The following GABRA3 variants were observed in gnomAD, a reference collection of about 807,000 sequenced individuals.
The protein encoded by GABRA3 is gamma-aminobutyric acid receptor subunit alpha-3.
Under a neutral mutation model 30.1 loss-of-function variants are expected in GABRA3, and 10 were observed. The ratio of observed to expected loss-of-function variants is 0.33; its 90% CI spans 0.20 to 0.56. The LOEUF is 0.56. Ranked by LOEUF, GABRA3 falls within the 20% of genes least tolerant of loss-of-function variation. The probability of loss-of-function intolerance (pLI) is 0.89; values close to 1 mark genes in which losing one functional copy is unlikely to be tolerated. For missense variants in GABRA3, 233 were observed against 392.0 expected (o/e 0.59, Z 3.42); for synonymous variants, 151 against 146.8 (o/e 1.03, Z -0.21).
At chrX:152,359,399 T>A (rs972663937) in intron 2 of GABRA3, among the ~76,000 whole-genome samples, 1 of 111,453 alleles carries the variant, frequency 9.0e-6, no homozygotes, top group Admixed American at 9.5e-5. Flanking sequence ...GGGTCAGCAG[T>A]AACATGTTCT....
intron 1 of GABRA3, among the ~76,000 whole-genome samples, chrX:152,378,301 A>G (rs1314289383): frequency 8.9e-6 from 1 of 111,912 alleles, no homozygotes; most frequent in Non-Finnish European, 1.9e-5. Context: ...CAGATATTGA[A>G]TTTATCAGGT....
At chrX:152,176,179 G>T (rs1937073825) in intron 9 of GABRA3, among the ~76,000 whole-genome samples, 1 of 111,047 alleles carries the variant, frequency 9.0e-6, no homozygotes, top group Admixed American at 9.6e-5. Flanking sequence ...GATGGTAAGA[G>T]GTACCATCAC....
intron 1 of GABRA3, among the ~76,000 whole-genome samples, chrX:152,409,615 T>G (rs1313777327): frequency 9.0e-6 from 1 of 110,905 alleles, no homozygotes; most frequent in Non-Finnish European, 1.9e-5. Context: ...AAACTACCCA[T>G]GTGAAAAGAG....
intron 3 of GABRA3, among the ~76,000 whole-genome samples, chrX:152,312,799 C>T (rs1181300899): frequency 1.8e-5 from 2 of 111,861 alleles, no homozygotes; most frequent in Non-Finnish European, 3.8e-5. Flanking sequence ...AATCAAACAA[C>T]TCCATTAAAA....
Position 152,293,329 on chromosome X carries a change from C to G in GABRA3, c.263-8594G>C, listed in dbSNP as rs756474390. ...AATGGCCTTCTTTGTCTCTTTTGAT[C>G]TTTGTTGGTTTAAAGTCTGTTTTAT... On this transcript the variant is annotated intron_variant, in intron 3 of 9. Transcript: ENST00000370314. 4.5e-5 allele frequency among the ~76,000 whole-genome samples: 5 copies of G among 111,428 alleles called. No individual in the cohort carries two copies. In the East Asian group the frequency reaches 8.5e-4, roughly 19 times the overall value.
In GABRA3 at chrX:152,168,198, G is replaced by A; in HGVS notation, c.*30C>T. 4 of 1,159,085 alleles carry A rather than the reference G, an allele frequency of 3.5e-6. No homozygotes were observed. Among genetic ancestry groups the A allele is most frequent in the Non-Finnish European group, 4.7e-6 (4 of 849,812 alleles). On this transcript the variant is annotated 3_prime_UTR_variant, in exon 10 of 10. Transcript: ENST00000370314. ...GCCTGGATGCTTCACGGGGTATACA[G>A]TGCTCTGGTTGCTGCACTGCCACCA...
intron 6 of GABRA3, among the ~76,000 whole-genome samples, chrX:152,215,322 T>C (rs1937700276): frequency 9.0e-6 from 1 of 110,516 alleles, no homozygotes; most frequent in Admixed American, 9.6e-5. Context: ...TTTATTGTGT[T>C]GAGGTACATT....
chrX:152,199,093 T>G (rs1937429263), intron 7 of GABRA3, among the ~76,000 whole-genome samples: 1 of 111,007 alleles, frequency 9.0e-6, no homozygotes, highest in Admixed American at 9.7e-5. Context: ...CTGGGTGCGG[T>G]GGCTCAAGCC....
intron 7 of GABRA3, among the ~76,000 whole-genome samples, chrX:152,199,501 C>A (rs112479172): frequency 9.1e-6 from 1 of 109,849 alleles, no homozygotes; most frequent in Non-Finnish European, 1.9e-5. Flanking sequence ...CTCAGAATCT[C>A]GAAAGAACTA....
intron 3 of GABRA3, among the ~76,000 whole-genome samples, chrX:152,339,802 CT>C (rs753709027): frequency 8.1e-5 from 9 of 111,557 alleles, no homozygotes; most frequent in Non-Finnish European, 1.3e-4. Context: ...TAGTAATATT[CT>C]TTGCTCTCAT....
chrX:152,438,431 A>G (rs947972064), intron 1 of GABRA3, among the ~76,000 whole-genome samples: 2 of 112,458 alleles, frequency 1.8e-5, no homozygotes, highest in African/African-American at 6.5e-5. Context: ...TAGTTTTACC[A>G]TATGATCCAG....
chrX:152,252,050 CTT>C (rs1938564458), intron 5 of GABRA3, among the ~76,000 whole-genome samples: 1 of 111,337 alleles, frequency 9.0e-6, no homozygotes, highest in Admixed American at 9.6e-5. Flanking sequence ...CCTACTGACT[CTT>C]TTGTACTACC....
intron 5 of GABRA3, among the ~76,000 whole-genome samples, chrX:152,234,985 T>G (rs191473079): frequency 5.3e-4 from 59 of 111,756 alleles, no homozygotes; most frequent in Non-Finnish European, 1.0e-3. Flanking sequence ...AATTTTAAGA[T>G]TTTTTTCTAA....
chrX:152,256,408 A>C (rs954913985), intron 4 of GABRA3, among the ~76,000 whole-genome samples: 3 of 111,499 alleles, frequency 2.7e-5, no homozygotes, highest in Middle Eastern at 4.7e-3. Context: ...CCACAAAACC[A>C]AAACCTTACA....
chrX:152,231,471 A>G (rs1265868249), intron 5 of GABRA3, among the ~76,000 whole-genome samples: 3 of 110,932 alleles, frequency 2.7e-5, no homozygotes, highest in African/African-American at 9.8e-5. Flanking sequence ...ATACTACTAC[A>G]TGCACACTAA....
intron 4 of GABRA3, among the ~76,000 whole-genome samples, chrX:152,258,911 A>AAAATCAGG (rs1366405732): frequency 5.4e-5 from 6 of 112,068 alleles, no homozygotes; most frequent in African/African-American, 1.6e-4. Flanking sequence ...ATAGGAATTA[A>AAAATCAGG]AAATCAGGAG....
At chrX:152,421,631 T>A (rs1930375883) in intron 1 of GABRA3, among the ~76,000 whole-genome samples, 1 of 111,298 alleles carries the variant, frequency 9.0e-6, no homozygotes, top group Admixed American at 9.6e-5. Flanking sequence ...AAAGATAACA[T>A]GCAATACATA....
intron 6 of GABRA3, among the ~76,000 whole-genome samples, chrX:152,212,612 C>T (rs1233446248): frequency 1.8e-5 from 2 of 111,460 alleles, no homozygotes; most frequent in African/African-American, 3.3e-5. Context: ...AAGGTCATCA[C>T]AATGCCTTTT....
rs201859418 is a variant in GABRA3, at chrX:152,167,646, G to A, written c.*582C>T. 8.9e-6 allele frequency: 1 copy of A among 112,617 alleles called. No individual in the cohort carries two copies. Among genetic ancestry groups the A allele is most frequent in the Non-Finnish European group, 1.9e-5 (1 of 53,607 alleles). The allele number at this position is 112,617 out of a possible 1,213,427, so 9.3% of individuals were successfully genotyped here. ...TTTATTTTGGCCATACATGGTAGAC[G>A]GTGGTTAGTACCAATTGTCCCCACT... is the stretch of plus-strand genomic sequence containing the variant. On this transcript the variant is annotated 3_prime_UTR_variant, in exon 10 of 10. Coordinates refer to ENST00000370314, the MANE Select transcript of GABRA3 (RefSeq NM_000808.4).
Sources: gnomAD v4.1 joint callset for allele counts (sites outside exome capture counted in the v4.1 genomes callset) on GRCh38, gnomAD v4.1.1 for gene constraint, MANE v1.5 for transcripts, NCBI Gene and HGNC (gene_info 2026-07-23, HGNC 2026-07-21) for gene names.